CSNK2A1: variants seen among roughly 807,000 people sequenced by gnomAD.
CSNK2A1 encodes the protein casein kinase 2 alpha 1, also known as casein kinase II subunit alpha.
In CSNK2A1, 10 loss-of-function variants were observed where a neutral mutation model predicts 62.9. The observed-to-expected ratio is 0.16, with a 90% CI of 0.10 to 0.27. The LOEUF (loss-of-function observed/expected upper bound fraction) is 0.27, where lower values mean the gene tolerates loss of function less well. Among genes scored for constraint, CSNK2A1 ranks in the 10% least tolerant of loss-of-function variants. The probability of loss-of-function intolerance (pLI) is 1.00; values close to 1 mark genes in which losing one functional copy is unlikely to be tolerated. For missense variants in CSNK2A1, 160 were observed against 492.0 expected (o/e 0.33, Z 6.38); for synonymous variants, 124 against 167.8 (o/e 0.74, Z 2.02).
chr20:523,872 A>G (rs2122616699), intron 2 of CSNK2A1, among the ~76,000 whole-genome samples: 1 of 150,914 alleles, frequency 6.6e-6, no homozygotes, highest in Non-Finnish European at 1.5e-5. Context: ...AAAAAAAAAA[A>G]AAAAAAAAAC....
intron 1 of CSNK2A1, among the ~76,000 whole-genome samples, chr20:528,599 TTTTC>T (rs957967570): frequency 5.9e-5 from 9 of 152,116 alleles, no homozygotes; most frequent in Non-Finnish European, 8.8e-5. Flanking sequence ...TTTTTCTTTT[TTTTC>T]TTTCTTTCTT....
At chr20:489,703 G>T in intron 10 of CSNK2A1, 77 bp downstream of exon 10, 1 of 1,217,512 alleles carries the variant, frequency 8.2e-7, no homozygotes, top group South Asian at 1.8e-5. Flanking sequence ...AATAAACAGT[G>T]AACTGAAAGT....
chr20:535,192 CA>C (rs902600202), intron 1 of CSNK2A1, among the ~76,000 whole-genome samples: 4 of 151,128 alleles, frequency 2.6e-5, no homozygotes, highest in Non-Finnish European at 5.9e-5. Context: ...CTTGTCTCTA[CA>C]AAAAAAATTA....
At chr20:527,176 A>G (rs1424667194) in intron 2 of CSNK2A1, among the ~76,000 whole-genome samples, 4 of 152,200 alleles carry the variant, frequency 2.6e-5, no homozygotes, top group Admixed American at 2.6e-4. Flanking sequence ...AAAAGATAAG[A>G]CAATATCACG....
rs1263683478 is a variant in CSNK2A1, at chr20:475,906, C to T, written c.*8055G>A. On this transcript the variant is annotated 3_prime_UTR_variant, in exon 14 of 14. Transcript: ENST00000217244. ...GGAGGTGTCCAGCCCAGCCGACCCA[C>T]AACCTGAAAAACAGCTGCTTGGGCT... 6.6e-6 allele frequency: 1 copy of T among 152,282 alleles called. No individual in the cohort carries two copies. Among genetic ancestry groups the T allele is most frequent in the African/African-American group, 2.4e-5 (1 of 41,472 alleles). The allele number at this position is 152,282 out of a possible 1,614,324, so 9.4% of individuals were successfully genotyped here.
rs188480208 is a variant in CSNK2A1, at chr20:523,619, C to T, written c.-110+4314G>A. On this transcript the variant is annotated intron_variant, in intron 2 of 13. Transcript: ENST00000217244. ...GATAAAACTGTAGTGAGGTTGGGCA[C>T]GGTGGCTCACGCCTGTAATCCCAGC... Among the ~76,000 whole-genome samples, 240 of 152,224 alleles carry T rather than the reference C, an allele frequency of 1.6e-3. 3 individuals are homozygous for T. The highest frequency in any genetic ancestry group is 0.01 in the Middle Eastern group (3 of 294).
chr20:496,380 C>T (rs148192452), intron 7 of CSNK2A1: 1 of 152,842 alleles, frequency 6.5e-6, no homozygotes, highest in Non-Finnish European at 1.5e-5. Context: ...AAAATATTTA[C>T]TATTTGGCCC....
chr20:502,260 A>AT (rs1278180506), intron 4 of CSNK2A1: 2 of 152,232 alleles, frequency 1.3e-5, no homozygotes, highest in African/African-American at 4.8e-5. Context: ...ACAAGATAAT[A>AT]TAAGTCTTCT....
At chr20:486,857 A>G (rs2018111529) in intron 12 of CSNK2A1, 1 of 196,766 alleles carries the variant, frequency 5.1e-6, no homozygotes, top group African/African-American at 2.3e-5. Flanking sequence ...CATGTAGCTT[A>G]GGGCTATGAC....
chr20:503,124 T>C lies in CSNK2A1; in HGVS notation c.213+1994A>G, dbSNP rs148350603. 1.2e-3 allele frequency: 227 copies of C among 195,164 alleles called. 1 individual carries two copies. The Middle Eastern group carries it at 0.017, about 15-fold the overall frequency. The allele number at this position is 195,164 out of a possible 1,614,324, so 12.1% of individuals were successfully genotyped here. The stretch of plus-strand genomic sequence containing the variant: ...AACTCCAGTCTCCAACGTATGTATA[T>C]ATACACACAATTTTGTGTTTGATCC... On this transcript the variant is annotated intron_variant, in intron 4 of 13. Transcript: ENST00000217244.
At chr20:486,643 T>C (rs2018105668) in intron 12 of CSNK2A1, 181 bp from the exon 13 acceptor site, 1 of 545,150 alleles carries the variant, frequency 1.8e-6, no homozygotes, top group Non-Finnish European at 3.2e-6. Flanking sequence ...AAAGCAGAAA[T>C]AGCTTTCCTA....
intron 2 of CSNK2A1, among the ~76,000 whole-genome samples, chr20:524,708 CAAAAAAAAAAAAA>C (rs56228720): frequency 1.2e-5 from 1 of 83,174 alleles, no homozygotes; most frequent in South Asian, 4.6e-4. Context: ...GACTCCATCT[CAAAAAAAAAAAAA>C]AAAAAAAAAG....
intron 2 of CSNK2A1, among the ~76,000 whole-genome samples, chr20:511,743 T>A (rs1006855649): frequency 6.6e-6 from 1 of 152,192 alleles, no homozygotes; most frequent in East Asian, 1.9e-4. Context: ...ACATTTTGCT[T>A]ATCCATTTAT....
In CSNK2A1 at chr20:480,812, T is replaced by C. The variant is rs2017942572; in HGVS notation, c.*3149A>G. 1.3e-5 allele frequency: 2 copies of C among 152,188 alleles called. No homozygotes were observed. The highest frequency in any genetic ancestry group is 6.5e-5 in the Admixed American group (1 of 15,286). The allele number at this position is 152,188 out of a possible 1,614,324, so 9.4% of individuals were successfully genotyped here. A position where few individuals can be genotyped will look rare whatever the true frequency, so the allele number is the denominator to read the frequency against. On this transcript the variant is annotated 3_prime_UTR_variant, in exon 14 of 14. Coordinates refer to ENST00000217244, the MANE Select transcript of CSNK2A1 (RefSeq NM_177559.3). ...TCAATTCTAATTATAACCATACTTG[T>C]CAAAAGGTGAAGCAAAGATGAAAGT...
intron 3 of CSNK2A1, chr20:506,498 T>A (rs998306288): frequency 1.1e-4 from 16 of 152,136 alleles, no homozygotes; most frequent in African/African-American, 3.9e-4. Flanking sequence ...AGAGGTAGAA[T>A]AAGGGAAATG....
chr20:520,315 G>C (rs372752855), intron 2 of CSNK2A1, among the ~76,000 whole-genome samples: 1 of 152,066 alleles, frequency 6.6e-6, no homozygotes, highest in Non-Finnish European at 1.5e-5. Context: ...TATACTAACT[G>C]ATCTTAAACT....
In CSNK2A1 at chr20:478,815, T is replaced by G. The variant is rs2017900899; in HGVS notation, c.*5146A>C. ...CAAGCATGATGGCTCGTGCCTGTAGTCCCTGGAAGGCTGAGTTGGGAGGAT... is the reference window on the plus strand; with the variant it reads ...CAAGCATGATGGCTCGTGCCTGTAGGCCCTGGAAGGCTGAGTTGGGAGGAT... On this transcript the variant is annotated 3_prime_UTR_variant, in exon 14 of 14. Coordinates refer to ENST00000217244, the MANE Select transcript of CSNK2A1 (RefSeq NM_177559.3). 3 of 287,434 alleles carry G rather than the reference T, an allele frequency of 1.0e-5. No homozygotes were observed. The highest frequency in any genetic ancestry group is 5.0e-5 in the Admixed American group (1 of 19,958). 17.8% of individuals were successfully genotyped at this position (287,434 alleles called of 1,614,324 possible). A position where few individuals can be genotyped will look rare whatever the true frequency, so the allele number is the denominator to read the frequency against.
At chr20:534,036 C>T (rs956035672) in intron 1 of CSNK2A1, among the ~76,000 whole-genome samples, 2 of 152,176 alleles carry the variant, frequency 1.3e-5, no homozygotes, top group African/African-American at 2.4e-5. Context: ...TTGGGATATA[C>T]AGTAATCTAA....
At chr20:490,801 G>A (rs1370207769) in intron 9 of CSNK2A1, among the ~76,000 whole-genome samples, 2 of 149,424 alleles carry the variant, frequency 1.3e-5, no homozygotes, top group East Asian at 3.9e-4. Context: ...CAACTCCTGG[G>A]CTTAGGCCTC....
Sources: allele counts gnomAD v4.1 joint callset (sites outside exome capture counted in the v4.1 genomes callset), GRCh38; gene constraint gnomAD v4.1.1; transcripts MANE v1.5; gene names NCBI Gene and HGNC (gene_info 2026-07-23, HGNC 2026-07-21).